Variants in ANK3 observed in about 807,000 individuals in gnomAD.
ANK3 encodes ankyrin-3.
A neutral mutation model predicts 370.9 loss-of-function variants in ANK3; 57 were observed. The ratio of observed to expected loss-of-function variants is 0.15; its 90% CI spans 0.12 to 0.19. ANK3 has a LOEUF of 0.19. ANK3 is among the 10% of genes least tolerant of loss of function. ANK3 has a pLI of 1.00. For synonymous variants in ANK3, 1,929 were observed against 1,946.3 expected (o/e 0.99, Z 0.23); for missense variants, 4,439 against 5,302.1 (o/e 0.84, Z 5.06).
intron 5 of ANK3, among the ~76,000 whole-genome samples, chr10:60,265,882 A>G (rs1460858862): frequency 1.3e-5 from 2 of 152,164 alleles, no homozygotes; most frequent in Non-Finnish European, 2.9e-5. Context: ...CCTTTCTGCC[A>G]GTGTCTGTAC....
At chr10:60,422,290 C>A (rs10994339) in intron 2 of ANK3, among the ~76,000 whole-genome samples, 54,639 of 151,934 alleles carry the variant, frequency 0.36, 10,205 homozygotes, top group South Asian at 0.43. Flanking sequence ...TTAACTTATT[C>A]ATCTATACAG....
chr10:60,507,420 T>A (rs1403130480), intron 2 of ANK3: 1 of 151,964 alleles, frequency 6.6e-6, no homozygotes, highest in Admixed American at 6.6e-5. Context: ...CTAAAGGTAA[T>A]GACAAGATTT....
chr10:60,571,398 A>G (rs970626561), intron 2 of ANK3, among the ~76,000 whole-genome samples: 14 of 152,326 alleles, frequency 9.2e-5, no homozygotes, highest in Admixed American at 2.0e-4. Flanking sequence ...AACGCCTGAT[A>G]TATTCCACGA....
chr10:60,342,247 TAA>T (rs958227982), intron 1 of ANK3, among the ~76,000 whole-genome samples: 23 of 152,136 alleles, frequency 1.5e-4, no homozygotes, highest in Admixed American at 1.2e-3. Context: ...CTTTCCAAAA[TAA>T]AAAAAGTTTT....
intron 2 of ANK3, among the ~76,000 whole-genome samples, chr10:60,594,407 C>T (rs1303453650): frequency 3.9e-5 from 6 of 152,150 alleles, no homozygotes; most frequent in African/African-American, 1.2e-4. Context: ...AAAAATAATA[C>T]ATTTTTCAGT....
At position 60,198,321 on chromosome 10, in the gene ANK3, C is replaced by G. The variant is rs1423734412; in HGVS notation, c.1689+19G>C. 2 of 1,613,718 alleles carry G rather than the reference C, an allele frequency of 1.2e-6. No individual in the cohort carries two copies. The highest frequency in any genetic ancestry group is 3.3e-5 in the Admixed American group (2 of 60,020). On this transcript the variant is annotated intron_variant, in intron 14 of 43. Coordinates refer to ENST00000280772, the MANE Select transcript of ANK3 (RefSeq NM_020987.5). ...GTATTTGGGGGGACAGAGCAGGATTCTGAGATTTGCTTTCATACCTTTGTT... is the reference window on the plus strand; with the variant it reads ...GTATTTGGGGGGACAGAGCAGGATTGTGAGATTTGCTTTCATACCTTTGTT...
intron 23 of ANK3, among the ~76,000 whole-genome samples, chr10:60,150,713 C>CT (rs1334448174): frequency 1.3e-5 from 2 of 152,126 alleles, no homozygotes; most frequent in Admixed American, 6.5e-5. Context: ...TGCTCCCTCT[C>CT]TTGCCATGTG....
intron 2 of ANK3, among the ~76,000 whole-genome samples, chr10:60,406,396 G>A (rs1014100474): frequency 1.6e-4 from 24 of 152,338 alleles, no homozygotes; most frequent in African/African-American, 5.8e-4. Flanking sequence ...GGATGGGGAA[G>A]TGGGTGGTTA....
At chr10:60,195,051 A>G (rs2096562048) in intron 16 of ANK3, among the ~76,000 whole-genome samples, 1 of 152,124 alleles carries the variant, frequency 6.6e-6, no homozygotes, top group African/African-American at 2.4e-5. Context: ...AAAGGAGAGC[A>G]CTGCAGCTGC....
intron 2 of ANK3, among the ~76,000 whole-genome samples, chr10:60,473,906 G>T (rs2074984492): frequency 6.8e-6 from 1 of 147,828 alleles, no homozygotes; most frequent in African/African-American, 2.5e-5. Flanking sequence ...AAGATGGGAG[G>T]ATTGCTTGAA....
chr10:60,531,882 G>T (rs184501275), intron 2 of ANK3, among the ~76,000 whole-genome samples: 1 of 152,182 alleles, frequency 6.6e-6, no homozygotes, highest in African/African-American at 2.4e-5. Context: ...TAGGAATGGG[G>T]CCAGGAATCA....
In ANK3 at chr10:60,069,332, T is replaced by C; in HGVS notation, c.11549A>G (p.Gln3850Arg). The C allele has an allele frequency of 6.2e-7, 1 of 1,614,176 alleles. No individual in the cohort carries two copies. Among genetic ancestry groups the C allele is most frequent in the Non-Finnish European group, 8.5e-7 (1 of 1,180,016 alleles). The change falls in exon 37 of 44, where the codon CAG (glutamine) becomes CGG (arginine). Residue 3850 changes from glutamine to arginine, a missense_variant. Physicochemically the swap from Gln to Arg is conservative, Grantham distance 43. Coordinates refer to ENST00000280772, the MANE Select transcript of ANK3 (RefSeq NM_020987.5). ...VRDKQKVLGE[Q>R]QKTKELIGIR... ...CCCTATCAATTCCTTTGTTTTTTGC[T>C]GTTCTCCAAGAACTTTCTGCTTATC...
chr10:60,460,214 T>C (rs1378175515), intron 2 of ANK3, among the ~76,000 whole-genome samples: 1 of 152,080 alleles, frequency 6.6e-6, no homozygotes, highest in Non-Finnish European at 1.5e-5. Context: ...GCTGCTAATA[T>C]ATAGGGAATC....
intron 4 of ANK3, among the ~76,000 whole-genome samples, chr10:60,272,462 G>C (rs2098009486): frequency 8.3e-6 from 1 of 120,864 alleles, no homozygotes; most frequent in African/African-American, 3.2e-5. Flanking sequence ...TTTTGTTGTT[G>C]TTGTTGTTGT....
At chr10:60,459,179 A>G (rs982491457) in intron 2 of ANK3, among the ~76,000 whole-genome samples, 5 of 152,178 alleles carry the variant, frequency 3.3e-5, no homozygotes, top group Non-Finnish European at 7.3e-5. Context: ...ATACAGAACA[A>G]TTTGAGATTG....
intron 31 of ANK3, 111 bp downstream of exon 31, chr10:60,085,046 A>G: frequency 1.1e-6 from 1 of 922,820 alleles, no homozygotes; most frequent in Non-Finnish European, 1.6e-6. Context: ...AATACTACGG[A>G]TTTTTTTTCT....
chr10:60,408,363 A>G (rs1482126897), intron 2 of ANK3, among the ~76,000 whole-genome samples: 1 of 151,974 alleles, frequency 6.6e-6, no homozygotes, highest in Non-Finnish European at 1.5e-5. Flanking sequence ...CCCGCTTTGT[A>G]CTGTAGGTGA....
At chr10:60,320,623 G>A (rs1217928705) in intron 1 of ANK3, among the ~76,000 whole-genome samples, 2 of 152,042 alleles carry the variant, frequency 1.3e-5, no homozygotes, top group South Asian at 2.1e-4. Context: ...AAAGCAATAT[G>A]TTTGAAGGCT....
intron 2 of ANK3, among the ~76,000 whole-genome samples, chr10:60,523,958 C>T (rs1366829363): frequency 6.6e-6 from 1 of 152,080 alleles, no homozygotes; most frequent in Non-Finnish European, 1.5e-5. Context: ...TATAAACATA[C>T]ACTGGTCTAT....
Sources: gnomAD v4.1 joint callset for allele counts (sites outside exome capture counted in the v4.1 genomes callset) on GRCh38, gnomAD v4.1.1 for gene constraint, MANE v1.5 for transcripts, NCBI Gene and HGNC (gene_info 2026-07-23, HGNC 2026-07-21) for gene names.